UBE2V2: variants seen among roughly 807,000 people sequenced by gnomAD.
UBE2V2 encodes the protein ubiquitin conjugating enzyme E2 V2.
In UBE2V2, 9 loss-of-function variants were observed where a neutral mutation model predicts 17.2. The observed-to-expected ratio is 0.52, with a 90% CI of 0.32 to 0.91. The LOEUF is 0.91. UBE2V2 is among the 40% of genes least tolerant of loss of function. UBE2V2 has a pLI of 0.04. For missense variants in UBE2V2, 133 were observed against 182.6 expected (o/e 0.73, Z 1.56); for synonymous variants, 61 against 57.5 (o/e 1.06, Z -0.28).
At chr8:48,032,531 C>T (rs1432931882) in intron 1 of UBE2V2, among the ~76,000 whole-genome samples, 1 of 152,042 alleles carries the variant, frequency 6.6e-6, no homozygotes, top group East Asian at 1.9e-4. Context: ...GGCAGGAGGA[C>T]CCCTTGAGCC....
At chr8:48,007,213 C>T (rs560220991), upstream of UBE2V2, among the ~76,000 whole-genome samples, 26 of 152,196 alleles carry the variant, frequency 1.7e-4, no homozygotes, top group African/African-American at 5.3e-4. Context: ...ACAAAGATGC[C>T]CTCTCTCACC....
chr8:48,017,637 T>C (rs964690658), intron 1 of UBE2V2, among the ~76,000 whole-genome samples: 7 of 151,968 alleles, frequency 4.6e-5, no homozygotes, highest in African/African-American at 1.7e-4. Context: ...CCTCCCAAAG[T>C]GCTAGGATTA....
intron 3 of UBE2V2, among the ~76,000 whole-genome samples, chr8:48,055,198 T>C (rs1389239366): frequency 6.9e-6 from 1 of 143,912 alleles, no homozygotes; most frequent in Non-Finnish European, 1.5e-5. Context: ...TAGTTTCTTT[T>C]CCTTTTTTTT....
At chr8:47,998,255 C>A in the UBE2V2 span, among the ~76,000 whole-genome samples, 1 of 151,954 alleles carries the variant, frequency 6.6e-6, no homozygotes, top group Non-Finnish European at 1.5e-5. Context: ...AGGAGGCACC[C>A]AAGGCAGGTA....
At chr8:48,055,366 A>G (rs1263040457) in intron 3 of UBE2V2, among the ~76,000 whole-genome samples, 1 of 151,478 alleles carries the variant, frequency 6.6e-6, no homozygotes, top group Non-Finnish European at 1.5e-5. Context: ...TGACCAGCTA[A>G]TTTTTTGTAT....
At position 48,061,702 on chromosome 8, in the gene UBE2V2, T is replaced by C. The variant is rs139745516; in HGVS notation, c.*874T>C. The C allele has an allele frequency of 7.8e-4, 119 of 152,604 alleles. No individual in the cohort carries two copies. Among genetic ancestry groups the C allele is most frequent in the African/African-American group, 2.6e-3 (108 of 41,566 alleles). 9.5% of individuals were successfully genotyped at this position (152,604 alleles called of 1,614,324 possible). A position where few individuals can be genotyped will look rare whatever the true frequency, so the allele number is the denominator to read the frequency against. ...TATTTTGTGTACTTCTTGTGAATTA[T>C]AATTTGCAGACTATTTCAGAAAAGA... is the stretch of plus-strand genomic sequence containing the variant. On this transcript the variant is annotated 3_prime_UTR_variant, in exon 4 of 4. Coordinates refer to ENST00000523111, the MANE Select transcript of UBE2V2 (RefSeq NM_003350.3).
chr8:48,062,687 A>G lies in UBE2V2; in HGVS notation c.*1859A>G, dbSNP rs1802614643. 6.6e-6 allele frequency: 1 copy of G among 152,196 alleles called. No homozygotes were observed. The highest frequency in any genetic ancestry group is 2.1e-4 in the South Asian group (1 of 4,832). 9.4% of individuals were successfully genotyped at this position (152,196 alleles called of 1,614,324 possible). ...GCACATTTCTCAAACATGCCCTGAA[A>G]GGCTTTTATCAAGCTCATATAAAGT... On this transcript the variant is annotated 3_prime_UTR_variant, in exon 4 of 4. Coordinates refer to ENST00000523111, the MANE Select transcript of UBE2V2 (RefSeq NM_003350.3).
intron 3 of UBE2V2, among the ~76,000 whole-genome samples, chr8:48,056,115 G>C (rs1423259997): frequency 5.3e-5 from 8 of 152,182 alleles, no homozygotes; most frequent in African/African-American, 1.9e-4. Context: ...TAGAATCATA[G>C]AGTATGTGTT....
intron 1 of UBE2V2, among the ~76,000 whole-genome samples, chr8:48,021,869 C>T (rs1023211017): frequency 1.3e-5 from 2 of 150,742 alleles, no homozygotes; most frequent in Non-Finnish European, 3.0e-5. Flanking sequence ...TAGTAGAGAC[C>T]GGGTTTTACC....
chr8:48,047,199 C>A (rs934941650), intron 2 of UBE2V2, among the ~76,000 whole-genome samples: 1 of 152,110 alleles, frequency 6.6e-6, no homozygotes, highest in Non-Finnish European at 1.5e-5. Flanking sequence ...CTTCGGCCTC[C>A]CAAAGTGTTA....
chr8:48,004,557 G>A (rs2091171635), upstream of UBE2V2, among the ~76,000 whole-genome samples: 1 of 146,848 alleles, frequency 6.8e-6, no homozygotes, highest in Non-Finnish European at 1.5e-5. Flanking sequence ...TTGAGGCAGA[G>A]TCTCGCTCTT....
intron 1 of UBE2V2, among the ~76,000 whole-genome samples, chr8:48,027,828 G>C (rs1369504006): frequency 6.6e-6 from 1 of 152,062 alleles, no homozygotes; most frequent in Non-Finnish European, 1.5e-5. Context: ...TATCTTCTTT[G>C]GAGAAATGTC....
At chr8:48,009,267 C>CTTT (rs143794770) in intron 1 of UBE2V2, among the ~76,000 whole-genome samples, 3 of 133,802 alleles carry the variant, frequency 2.2e-5, no homozygotes, top group African/African-American at 2.7e-5. Flanking sequence ...CTTTTCTTTT[C>CTTT]TTTTTTTTTT....
chr8:48,058,127 A>C (rs541531145), intron 3 of UBE2V2, among the ~76,000 whole-genome samples: 1 of 152,032 alleles, frequency 6.6e-6, no homozygotes, highest in East Asian at 1.9e-4. Flanking sequence ...TGAGCCCAGG[A>C]GTTTGAGACC....
intron 1 of UBE2V2, among the ~76,000 whole-genome samples, chr8:48,035,447 C>T (rs1589858340): frequency 6.6e-6 from 1 of 151,892 alleles, no homozygotes; most frequent in African/African-American, 2.4e-5. Flanking sequence ...ACTGATAAAA[C>T]AGGTAGGAAG....
At chr8:48,029,672 C>CA (rs1403122677) in intron 1 of UBE2V2, among the ~76,000 whole-genome samples, 2 of 152,212 alleles carry the variant, frequency 1.3e-5, no homozygotes, top group Non-Finnish European at 2.9e-5. Context: ...ATGCCATTGT[C>CA]ATCTGCTACC....
upstream of UBE2V2, chr8:48,008,319 C>A: frequency 8.3e-7 from 1 of 1,209,804 alleles, no homozygotes; most frequent in Non-Finnish European, 1.1e-6. Context: ...GGCCCACGTG[C>A]GCGCTGTCCC....
chr8:48,027,644 C>T (rs1209270932), intron 1 of UBE2V2, among the ~76,000 whole-genome samples: 1 of 151,834 alleles, frequency 6.6e-6, no homozygotes, highest in Non-Finnish European at 1.5e-5. Context: ...GGACTGCAGG[C>T]ACGCGCCTTT....
intron 1 of UBE2V2, among the ~76,000 whole-genome samples, chr8:48,016,354 G>T (rs1415473458): frequency 6.6e-6 from 1 of 152,124 alleles, no homozygotes; most frequent in Non-Finnish European, 1.5e-5. Flanking sequence ...TCATACGGTA[G>T]CTCTGTTTTT....
Sources: allele counts gnomAD v4.1 joint callset (sites outside exome capture counted in the v4.1 genomes callset), GRCh38; gene constraint gnomAD v4.1.1; transcripts MANE v1.5; gene names NCBI Gene and HGNC (gene_info 2026-07-23, HGNC 2026-07-21).